DLGAP2: variants seen among roughly 807,000 people sequenced by gnomAD.
DLGAP2 encodes disks large-associated protein 2.
DLGAP2 carries 26 observed loss-of-function variants against 100.3 expected under a neutral mutation model. That is an observed-to-expected ratio of 0.26 (90% CI 0.19 to 0.36). The LOEUF is 0.36. Among genes scored for constraint, DLGAP2 ranks in the 10% least tolerant of loss-of-function variants. DLGAP2 has a pLI of 1.00. For synonymous variants in DLGAP2, 886 were observed against 630.1 expected (o/e 1.41, Z -6.08); for missense variants, 1,858 against 1,453.2 (o/e 1.28, Z -4.53).
intron 2 of DLGAP2, among the ~76,000 whole-genome samples, chr8:949,920 A>AAATG (rs1799433190): frequency 6.6e-6 from 1 of 152,160 alleles, no homozygotes; most frequent in Admixed American, 6.6e-5. Context: ...TGCTAACAGG[A>AAATG]AATGGGAGTC....
intron 1 of DLGAP2, among the ~76,000 whole-genome samples, chr8:758,828 T>C (rs905879044): frequency 6.6e-6 from 1 of 152,134 alleles, no homozygotes; most frequent in Non-Finnish European, 1.5e-5. Context: ...CCCGAAGTGC[T>C]GAGATTACAG....
intron 3 of DLGAP2, among the ~76,000 whole-genome samples, chr8:1,440,594 C>T (rs527701948): frequency 3.9e-5 from 6 of 152,282 alleles, no homozygotes; most frequent in African/African-American, 1.2e-4. Flanking sequence ...AGGGGGAAAA[C>T]GGCAGAAATT....
chr8:816,754 G>C (rs1391673393), intron 1 of DLGAP2, among the ~76,000 whole-genome samples: 1 of 152,074 alleles, frequency 6.6e-6, no homozygotes, highest in African/African-American at 2.4e-5. Context: ...TCTTGTATTT[G>C]GGTGTCTAGA....
At chr8:965,688 A>G (rs1445112011) in intron 2 of DLGAP2, among the ~76,000 whole-genome samples, 1 of 131,898 alleles carries the variant, frequency 7.6e-6, no homozygotes, top group Non-Finnish European at 1.6e-5. Context: ...GGCACTGTTC[A>G]CCTCACACGG....
chr8:1,583,919 G>C lies in DLGAP2; in HGVS notation c.1442+18025G>C, dbSNP rs191164655. 3.9e-5 allele frequency among the ~76,000 whole-genome samples: 6 copies of C among 152,146 alleles called. 1 individual carries two copies. The highest frequency in any genetic ancestry group is 3.9e-4 in the Admixed American group (6 of 15,288). On this transcript the variant is annotated intron_variant, in intron 6 of 14. Coordinates refer to ENST00000637795, the MANE Select transcript of DLGAP2 (RefSeq NM_001346810.2). ...TCGCTCCTCTGACTTGAAGTCGGCT[G>C]TTCACCGTCTCCTCCTTGCTGCCGG...
At chr8:1,073,882 C>T (rs1293389350) in intron 2 of DLGAP2, among the ~76,000 whole-genome samples, 3 of 152,220 alleles carry the variant, frequency 2.0e-5, no homozygotes, top group African/African-American at 4.8e-5. Context: ...CATTTACCTT[C>T]AGACTGAGAC....
At chr8:1,211,874 C>CA (rs1435265518) in intron 2 of DLGAP2, among the ~76,000 whole-genome samples, 1 of 152,142 alleles carries the variant, frequency 6.6e-6, no homozygotes, top group Admixed American at 6.5e-5. Context: ...GACTTCGTCT[C>CA]AAAAAATAAA....
chr8:1,059,866 C>T (rs774697098), intron 2 of DLGAP2, among the ~76,000 whole-genome samples: 5 of 152,072 alleles, frequency 3.3e-5, no homozygotes, highest in Non-Finnish European at 5.9e-5. Context: ...TGCAGAGAGT[C>T]GGGGGCGGTC....
intron 8 of DLGAP2, among the ~76,000 whole-genome samples, chr8:1,638,994 G>C (rs114203587): frequency 2.0e-3 from 299 of 152,290 alleles, no homozygotes; most frequent in African/African-American, 6.8e-3. Flanking sequence ...CCGGGGAGCC[G>C]GGATGGATTG....
At chr8:1,231,558 C>A (rs1454377715) in intron 2 of DLGAP2, among the ~76,000 whole-genome samples, 3 of 152,088 alleles carry the variant, frequency 2.0e-5, no homozygotes, top group African/African-American at 4.8e-5. Flanking sequence ...GCACTACTCA[C>A]GATAGCAAAG....
intron 6 of DLGAP2, among the ~76,000 whole-genome samples, chr8:1,574,488 C>A (rs569498161): frequency 6.6e-6 from 1 of 152,134 alleles, no homozygotes; most frequent in Non-Finnish European, 1.5e-5. Context: ...CATGCTGCCC[C>A]CTGCCCCCGG....
At chr8:1,328,281 C>T (rs1043217352) in intron 3 of DLGAP2, among the ~76,000 whole-genome samples, 1 of 150,274 alleles carries the variant, frequency 6.7e-6, no homozygotes, top group Non-Finnish European at 1.5e-5. Context: ...ACCTCGTGAT[C>T]CACCCACTTC....
chr8:1,481,059 C>G (rs187195729), intron 3 of DLGAP2, among the ~76,000 whole-genome samples: 190 of 152,114 alleles, frequency 1.2e-3, no homozygotes, highest in African/African-American at 4.3e-3. Context: ...GTAGTCCCAG[C>G]TACTTGGGAG....
At chr8:1,346,550 A>G (rs902596633) in intron 3 of DLGAP2, among the ~76,000 whole-genome samples, 3 of 151,490 alleles carry the variant, frequency 2.0e-5, no homozygotes, top group East Asian at 1.9e-4. Flanking sequence ...CATTGCACTC[A>G]TGGTAGCTGT....
At chr8:1,564,549 A>G (rs376327231) in intron 5 of DLGAP2, among the ~76,000 whole-genome samples, 14 of 152,346 alleles carry the variant, frequency 9.2e-5, no homozygotes, top group African/African-American at 3.4e-4. Context: ...GCAGATATAT[A>G]GCAAGTACAT....
At chr8:1,631,231 A>G (rs1019644729) in intron 7 of DLGAP2, among the ~76,000 whole-genome samples, 3 of 152,002 alleles carry the variant, frequency 2.0e-5, no homozygotes, top group Admixed American at 2.0e-4. Context: ...CTGAGATGCC[A>G]GCTTCTGTTT....
intron 3 of DLGAP2, among the ~76,000 whole-genome samples, chr8:1,366,631 A>G (rs984429318): frequency 1.3e-5 from 2 of 152,156 alleles, no homozygotes; most frequent in African/African-American, 4.8e-5. Context: ...AGGGGACCCA[A>G]TGGCGTGGAG....
intron 1 of DLGAP2, among the ~76,000 whole-genome samples, chr8:907,080 G>A (rs871849): frequency 0.13 from 20,144 of 152,130 alleles, 1,466 homozygotes; most frequent in East Asian, 0.29. Flanking sequence ...GAGGGCAAAC[G>A]TATGACTGGT....
chr8:1,006,935 G>C (rs1187907339), intron 2 of DLGAP2, among the ~76,000 whole-genome samples: 1 of 149,980 alleles, frequency 6.7e-6, no homozygotes, highest in Non-Finnish European at 1.5e-5. Flanking sequence ...CAAGTCTCGG[G>C]ATGTGGTCCT....
Sources: allele counts gnomAD v4.1 joint callset (sites outside exome capture counted in the v4.1 genomes callset), GRCh38; gene constraint gnomAD v4.1.1; transcripts MANE v1.5; gene names NCBI Gene and HGNC (gene_info 2026-07-23, HGNC 2026-07-21).